Variants in MTR observed in about 807,000 individuals in gnomAD.
MTR encodes the protein 5-methyltetrahydrofolate-homocysteine methyltransferase, also known as methionine synthase.
A neutral mutation model predicts 154.8 loss-of-function variants in MTR; 84 were observed. The observed-to-expected ratio is 0.54, with a 90% CI of 0.45 to 0.65. MTR has a LOEUF of 0.65. MTR is among the 30% of genes least tolerant of loss of function. The probability of loss-of-function intolerance (pLI) is 0.00; values close to 1 mark genes in which losing one functional copy is unlikely to be tolerated. For missense variants in MTR, 1,275 were observed against 1,570.2 expected (o/e 0.81, Z 3.18); for synonymous variants, 554 against 553.9 (o/e 1.00, Z 0.00).
chr1:236,826,527 C>T (rs1662295954), intron 10 of MTR, among the ~76,000 whole-genome samples: 2 of 152,144 alleles, frequency 1.3e-5, no homozygotes, highest in South Asian at 2.1e-4. Context: ...AATTCCTGGC[C>T]TCAAGTGATC....
Position 236,815,465 on chromosome 1 carries a change from G to A in MTR, c.610-139G>A, listed in dbSNP as rs946044141. 10 of 829,320 alleles carry A rather than the reference G, an allele frequency of 1.2e-5. No individual in the cohort carries two copies. The African/African-American group carries it at 1.7e-4, about 14-fold the overall frequency. The allele number at this position is 829,320 out of a possible 1,614,324, so 51.4% of individuals were successfully genotyped here. ...GGGTGCTGGGGTTGTGCCTTATAAG[G>A]AAGACACTTCTTCCCAGAGAGCTTG... On this transcript the variant is annotated intron_variant, in intron 6 of 32. Coordinates refer to ENST00000366577, the MANE Select transcript of MTR (RefSeq NM_000254.3).
In MTR at chr1:236,894,275, A is replaced by G. The variant is rs1666495135; in HGVS notation, c.3205-82A>G. On this transcript the variant is annotated intron_variant, in intron 29 of 32. Transcript: ENST00000366577. ...GTGAAGCTTATTCTCATTTGACGAT[A>G]CCCGATTGCTCTTCATGGTGTGCTG... 1.8e-5 allele frequency: 24 copies of G among 1,334,730 alleles called. No homozygotes were observed. The South Asian group carries it at 2.8e-4, about 16-fold the overall frequency. 82.7% of individuals were successfully genotyped at this position (1,334,730 alleles called of 1,614,324 possible).
chr1:236,844,453 CGTGTGT>C (rs58179715), intron 15 of MTR, among the ~76,000 whole-genome samples: 20,450 of 144,790 alleles, frequency 0.14, 1,696 homozygotes, highest in Middle Eastern at 0.19. Context: ...TCAGAAAGGG[CGTGTGT>C]GTGTGTGTGT....
At chr1:236,821,794 C>G (rs931542420) in intron 8 of MTR, among the ~76,000 whole-genome samples, 2 of 152,182 alleles carry the variant, frequency 1.3e-5, no homozygotes, top group Non-Finnish European at 2.9e-5. Flanking sequence ...CCAGTTGTTC[C>G]AGCACCATTT....
At chr1:236,889,819 T>G (rs1422627647) in intron 28 of MTR, among the ~76,000 whole-genome samples, 1 of 152,102 alleles carries the variant, frequency 6.6e-6, no homozygotes, top group Non-Finnish European at 1.5e-5. Flanking sequence ...AAAAGGTCAT[T>G]CCAGGTAGAG....
chr1:236,814,668 ATCTG>A (rs1231224999), intron 6 of MTR, among the ~76,000 whole-genome samples: 1 of 152,128 alleles, frequency 6.6e-6, no homozygotes, highest in African/African-American at 2.4e-5. Flanking sequence ...TTTTCTATCA[ATCTG>A]TCTGCTGATG....
At chr1:236,845,706 T>C (rs1254033602) in intron 15 of MTR, among the ~76,000 whole-genome samples, 1 of 152,224 alleles carries the variant, frequency 6.6e-6, no homozygotes, top group African/African-American at 2.4e-5. Context: ...TTAAATATTA[T>C]GCAGATTATG....
chr1:236,820,587 TAAAA>T (rs35453692), intron 8 of MTR: 23 of 410,992 alleles, frequency 5.6e-5, no homozygotes, highest in Admixed American at 1.9e-4. Flanking sequence ...GTCAGTTTCT[TAAAA>T]AAAAAAAAAA....
At chr1:236,892,678 G>A (rs535145615) in intron 29 of MTR, among the ~76,000 whole-genome samples, 73 of 152,218 alleles carry the variant, frequency 4.8e-4, no homozygotes, top group Middle Eastern at 3.4e-3. Context: ...CACTGTATGC[G>A]CCCAGGCTCG....
At chr1:236,857,378 T>C (rs1485019385) in intron 18 of MTR, among the ~76,000 whole-genome samples, 4 of 152,362 alleles carry the variant, frequency 2.6e-5, no homozygotes, top group South Asian at 2.1e-4. Context: ...TAAAATATTC[T>C]CCCCATTTTG....
At position 236,853,004 on chromosome 1, in the gene MTR, C is replaced by T; in HGVS notation, c.1869C>T (p.Ile623=). ...NAGNLPVYDD[I]HKELLQLCED... is the part of the protein sequence containing the mutation. ...GAAACCTCCCTGTGTATGATGATATCCATAAGGAACTTCTGCAGCTCTGTG... is the reference window on the plus strand; with the variant it reads ...GAAACCTCCCTGTGTATGATGATATTCATAAGGAACTTCTGCAGCTCTGTG... The change falls in exon 18 of 33, where the codon ATC becomes ATT. Residue 623 remains isoleucine (I), a synonymous_variant. Coordinates refer to ENST00000366577, the MANE Select transcript of MTR (RefSeq NM_000254.3). The T allele has an allele frequency of 6.2e-7, 1 of 1,613,850 alleles. No individual in the cohort carries two copies. The highest frequency in any genetic ancestry group is 8.5e-7 in the Non-Finnish European group (1 of 1,179,832).
At chr1:236,883,340 G>A (rs1192943560) in intron 25 of MTR, among the ~76,000 whole-genome samples, 1 of 152,176 alleles carries the variant, frequency 6.6e-6, no homozygotes, top group Admixed American at 6.5e-5. Context: ...AAGTCAGACT[G>A]GGCCAGAAGG....
At position 236,835,640 on chromosome 1, in the gene MTR, A is replaced by G; in HGVS notation, c.1282A>G (p.Met428Val). 3 of 1,611,214 alleles carry G rather than the reference A, an allele frequency of 1.9e-6. No homozygotes were observed. Among genetic ancestry groups the G allele is most frequent in the Non-Finnish European group, 2.5e-6 (3 of 1,179,522 alleles). Residue 428 changes from methionine (M) to valine (V), a missense_variant, in exon 14 of 33, where the codon ATG becomes GTG. By Grantham distance (21) the Met-to-Val change is conservative. Transcript: ENST00000366577. ...DDGMLDGPSA[M>V]TRFCNLIASE... ...TGGCATGCTAGATGGTCCAAGTGCA[A>G]TGACCAGATTTTGCAACTTAATTGC...
intron 30 of MTR, chr1:236,894,898 T>G: frequency 5.3e-6 from 2 of 377,414 alleles, no homozygotes; most frequent in Non-Finnish European, 9.8e-6. Flanking sequence ...CAAATTTTTA[T>G]TTCAGAGCCC....
At chr1:236,871,945 A>G (rs1210470197) in intron 22 of MTR, among the ~76,000 whole-genome samples, 2 of 151,990 alleles carry the variant, frequency 1.3e-5, no homozygotes, top group Non-Finnish European at 2.9e-5. Flanking sequence ...AGCGTTCAGC[A>G]CCCATTGTTA....
chr1:236,870,694 T>C (rs772048964), intron 22 of MTR, among the ~76,000 whole-genome samples: 3 of 152,180 alleles, frequency 2.0e-5, no homozygotes, highest in Non-Finnish European at 4.4e-5. Flanking sequence ...TCCCCCAGAC[T>C]TTAGACTTAC....
rs1156736451 is a variant in MTR at position 236,859,940 on chromosome 1, GA to G, written c.2043+20del. 1 of 1,607,388 alleles carries G rather than the reference GA, an allele frequency of 6.2e-7. No homozygotes were observed. Among genetic ancestry groups the G allele is most frequent in the South Asian group, 1.1e-5 (1 of 90,942 alleles). On this transcript the variant is annotated intron_variant, in intron 19 of 32. Transcript: ENST00000366577. ...TTGTGAAGGTAAGTTACAGGGGCCT[GA>G]ACTGGAGGGCTGGAGGCTCATCATG... is the stretch of plus-strand genomic sequence containing the variant.
In MTR at chr1:236,894,746, A is replaced by G. The variant is rs574598771; in HGVS notation, c.3405+189A>G. 25 of 633,842 alleles carry G rather than the reference A, an allele frequency of 3.9e-5. No homozygotes were observed. The Admixed American group carries it at 5.3e-4, about 14-fold the overall frequency. The allele number at this position is 633,842 out of a possible 1,614,324, so 39.3% of individuals were successfully genotyped here. ...ATGTATCCCCAGATTGCTTGTGTAC[A>G]TTATCTTTGAGGCAAAGAAAAACCT... On this transcript the variant is annotated intron_variant, in intron 30 of 32. Transcript: ENST00000366577.
chr1:236,880,795 C>T lies in MTR; in HGVS notation c.2635C>T (p.Pro879Ser), dbSNP rs762562065. The change falls in exon 25 of 33, where the codon CCT becomes TCT. Residue 879 changes from proline to serine, a missense_variant. Transcript: ENST00000366577. ...AVKIAPRYSA[P>S]VIHVLDASKS... ...TAAAATAGCTCCGAGATACAGTGCA[C>T]CTGTAATCCATGTCCTGGACGCGTC... 6.2e-7 allele frequency: 1 copy of T among 1,614,086 alleles called. No homozygotes were observed. Among genetic ancestry groups the T allele is most frequent in the Non-Finnish European group, 8.5e-7 (1 of 1,180,016 alleles).
Sources: gnomAD v4.1 joint callset for allele counts (sites outside exome capture counted in the v4.1 genomes callset) on GRCh38, gnomAD v4.1.1 for gene constraint, MANE v1.5 for transcripts, NCBI Gene and HGNC (gene_info 2026-07-23, HGNC 2026-07-21) for gene names.